The following EPB41L4A variants were observed in gnomAD, a reference collection of about 807,000 sequenced individuals.
The protein encoded by EPB41L4A is band 4.1-like protein 4A.
In EPB41L4A, 100 loss-of-function variants were observed where a neutral mutation model predicts 108.6. The observed-to-expected ratio is 0.92, with a 90% CI of 0.78 to 1.09. The LOEUF is 1.09. Among genes scored for constraint, EPB41L4A ranks in the 50% least tolerant of loss-of-function variants. The pLI is 0.00. For synonymous variants in EPB41L4A, 319 were observed against 289.0 expected (o/e 1.10, Z -1.05); for missense variants, 1,030 against 842.7 (o/e 1.22, Z -2.75).
At chr5:112,263,376 T>A (rs1189211064) in intron 6 of EPB41L4A, 2 of 152,190 alleles carry the variant, frequency 1.3e-5, no homozygotes, top group African/African-American at 4.8e-5. Flanking sequence ...ACCACCAACG[T>A]ACCATACTTT....
At chr5:112,390,851 G>T (rs1760888272) in intron 1 of EPB41L4A, among the ~76,000 whole-genome samples, 1 of 152,172 alleles carries the variant, frequency 6.6e-6, no homozygotes, top group African/African-American at 2.4e-5. Flanking sequence ...AGCTTCCAGA[G>T]GAAAGATCAA....
intron 1 of EPB41L4A, among the ~76,000 whole-genome samples, chr5:112,350,458 G>T (rs192596775): frequency 1.3e-5 from 2 of 152,176 alleles, no homozygotes; most frequent in East Asian, 1.9e-4. Flanking sequence ...ATCACCTCGA[G>T]GATTTATCAT....
chr5:112,216,199 G>A (rs990590084), intron 12 of EPB41L4A, among the ~76,000 whole-genome samples: 5 of 152,096 alleles, frequency 3.3e-5, no homozygotes, highest in African/African-American at 1.2e-4. Context: ...ACTTTATCTG[G>A]GGGCAATTCT....
chr5:112,264,534 A>C (rs1751716369), intron 6 of EPB41L4A: 1 of 156,474 alleles, frequency 6.4e-6, no homozygotes, highest in African/African-American at 2.4e-5. Context: ...GTGACTGAAA[A>C]AAAAAAAGAC....
chr5:112,209,798 C>A, intron 13 of EPB41L4A, 94 bp downstream of exon 13: 1 of 687,830 alleles, frequency 1.5e-6, no homozygotes, highest in South Asian at 2.0e-5. Flanking sequence ...ATTCATTAAT[C>A]ATCAAAGTTA....
chr5:112,207,401 C>G (rs959782786), intron 13 of EPB41L4A, among the ~76,000 whole-genome samples: 1 of 152,006 alleles, frequency 6.6e-6, no homozygotes, highest in Non-Finnish European at 1.5e-5. Flanking sequence ...TCCCCAAAAG[C>G]AATTGCAACA....
chr5:112,356,133 G>C (rs181934551), intron 1 of EPB41L4A, among the ~76,000 whole-genome samples: 1 of 152,124 alleles, frequency 6.6e-6, no homozygotes, highest in Non-Finnish European at 1.5e-5. Context: ...TACTCCACTT[G>C]ACAGTAAACG....
chr5:112,204,771 T>C (rs542856031), intron 14 of EPB41L4A: 5 of 282,438 alleles, frequency 1.8e-5, no homozygotes, highest in Non-Finnish European at 2.8e-5. Context: ...ATACATATGA[T>C]GAATTTAGCC....
At chr5:112,240,553 T>C (rs1749698653) in intron 10 of EPB41L4A, among the ~76,000 whole-genome samples, 166 bp downstream of exon 10, 1 of 152,216 alleles carries the variant, frequency 6.6e-6, no homozygotes, top group Non-Finnish European at 1.5e-5. Context: ...TACACATACA[T>C]GAATGTGTGC....
chr5:112,205,792 G>T (rs946628712), intron 13 of EPB41L4A, among the ~76,000 whole-genome samples: 7 of 152,282 alleles, frequency 4.6e-5, no homozygotes, highest in African/African-American at 1.4e-4. Context: ...CTGCAGGAGA[G>T]GCAGCAAGGG....
intron 18 of EPB41L4A, chr5:112,183,270 C>G (rs745349496): frequency 6.6e-6 from 1 of 152,294 alleles, no homozygotes. Flanking sequence ...TTATCATACA[C>G]GACTGGACTT....
chr5:112,200,052 G>T (rs1365643816), intron 15 of EPB41L4A, among the ~76,000 whole-genome samples: 5 of 152,198 alleles, frequency 3.3e-5, no homozygotes, highest in Admixed American at 2.0e-4. Flanking sequence ...CAAAGTCCAG[G>T]TGGGCTGTAA....
rs1348417226 is a variant in EPB41L4A at position 112,349,642 on chromosome 5, G to A, written c.100-42152C>T. 1.8e-4 allele frequency among the ~76,000 whole-genome samples: 27 copies of A among 152,204 alleles called. 2 individuals are homozygous for A. The highest frequency in any genetic ancestry group is 1.6e-3 in the Admixed American group (24 of 15,288). On this transcript the variant is annotated intron_variant, in intron 1 of 22. Transcript: ENST00000261486. ...GCAGTAATGAGATCAAAGAAGCAGA[G>A]AATGTAAATGGATTCACATTCAGCA...
chr5:112,150,455 A>G (rs558143879), intron 12 of EPB41L4A, among the ~76,000 whole-genome samples: 7 of 152,108 alleles, frequency 4.6e-5, no homozygotes, highest in African/African-American at 1.4e-4. Flanking sequence ...TACATCTTTG[A>G]AAAAAAACAA....
At chr5:112,303,846 A>C (rs574159383) in intron 2 of EPB41L4A, among the ~76,000 whole-genome samples, 14 of 152,148 alleles carry the variant, frequency 9.2e-5, no homozygotes, top group Non-Finnish European at 2.1e-4. Context: ...ATGCAGAAGG[A>C]GCCAAAGACA....
At chr5:112,337,097 AG>A (rs2150683936) in intron 1 of EPB41L4A, among the ~76,000 whole-genome samples, 1 of 152,330 alleles carries the variant, frequency 6.6e-6, no homozygotes, top group East Asian at 1.9e-4. Flanking sequence ...TGTCACGTGA[AG>A]GTTTTGTAAG....
At position 112,170,958 on chromosome 5, in the gene EPB41L4A, A is replaced by AT; in HGVS notation, c.1656dup (p.Trp553MetfsTer26). The AT allele has an allele frequency of 6.2e-7, 1 of 1,613,722 alleles. No individual in the cohort carries two copies. The highest frequency in any genetic ancestry group is 8.5e-7 in the Non-Finnish European group (1 of 1,179,598). On this transcript the variant is annotated frameshift_variant, in exon 19 of 23. Coordinates refer to ENST00000261486, the MANE Select transcript of EPB41L4A (RefSeq NM_022140.5). LOFTEE classifies it high-confidence loss of function. ...ACTATTACTCACTGAATGTGCTTCC[A>AT]TAACTCTTCTTTTGCTTGGATATCG...
intron 1 of EPB41L4A, among the ~76,000 whole-genome samples, chr5:112,415,284 GAACTATACACTTT>G (rs2112836085): frequency 6.6e-6 from 1 of 152,154 alleles, no homozygotes; most frequent in East Asian, 1.9e-4. Context: ...GTTAATGGAT[GAACTATACACTTT>G]AACTGGGCGA....
At chr5:112,357,091 C>G (rs1758405378) in intron 1 of EPB41L4A, among the ~76,000 whole-genome samples, 1 of 152,148 alleles carries the variant, frequency 6.6e-6, no homozygotes, top group South Asian at 2.1e-4. Flanking sequence ...AACTACTACC[C>G]CACTCGGTCT....
Sources: gnomAD v4.1 joint callset for allele counts (sites outside exome capture counted in the v4.1 genomes callset) on GRCh38, gnomAD v4.1.1 for gene constraint, MANE v1.5 for transcripts, NCBI Gene and HGNC (gene_info 2026-07-23, HGNC 2026-07-21) for gene names.